Variants in EXOC6B observed in about 807,000 individuals in gnomAD.
The protein encoded by EXOC6B is exocyst complex component 6B.
In EXOC6B, 54 loss-of-function variants were observed where a neutral mutation model predicts 113.5. The ratio of observed to expected loss-of-function variants is 0.48; its 90% CI spans 0.38 to 0.60. The LOEUF (loss-of-function observed/expected upper bound fraction) is 0.60. EXOC6B is among the 20% of genes least tolerant of loss of function. The pLI is 0.00. For synonymous variants in EXOC6B, 357 were observed against 339.0 expected (o/e 1.05, Z -0.58); for missense variants, 797 against 977.5 (o/e 0.82, Z 2.46).
chr2:72,315,898 G>C (rs1687487324), intron 20 of EXOC6B, among the ~76,000 whole-genome samples: 1 of 152,112 alleles, frequency 6.6e-6, no homozygotes, highest in Admixed American at 6.5e-5. Context: ...TATATTTCTA[G>C]CATACAGAAT....
At chr2:72,349,753 G>A (rs562272076) in intron 19 of EXOC6B, among the ~76,000 whole-genome samples, 1 of 152,224 alleles carries the variant, frequency 6.6e-6, no homozygotes, top group South Asian at 2.1e-4. Flanking sequence ...TAAGTACAGA[G>A]CTTTCAGTGA....
intron 6 of EXOC6B, among the ~76,000 whole-genome samples, chr2:72,689,653 C>T (rs577404006): frequency 6.8e-4 from 103 of 152,260 alleles, no homozygotes; most frequent in African/African-American, 2.4e-3. Flanking sequence ...GACTGCTGTG[C>T]CAGGATCCTT....
intron 1 of EXOC6B, among the ~76,000 whole-genome samples, chr2:72,816,658 C>T (rs1484804063): frequency 6.6e-6 from 1 of 152,160 alleles, no homozygotes; most frequent in African/African-American, 2.4e-5. Flanking sequence ...TTCAAAATTA[C>T]AGTAGATAAG....
intron 21 of EXOC6B, chr2:72,183,038 A>G (rs1678192126): frequency 6.7e-6 from 3 of 450,582 alleles, no homozygotes; most frequent in Non-Finnish European, 1.1e-5. Flanking sequence ...ATACACCTGC[A>G]TCATGCTCTT....
At chr2:72,395,500 T>C (rs1692669854) in intron 18 of EXOC6B, among the ~76,000 whole-genome samples, 1 of 152,152 alleles carries the variant, frequency 6.6e-6, no homozygotes, top group African/African-American at 2.4e-5. Flanking sequence ...TTTCAGAATA[T>C]TTAAAACCTT....
chr2:72,239,295 T>G (rs1370176477), intron 20 of EXOC6B, among the ~76,000 whole-genome samples: 1 of 152,214 alleles, frequency 6.6e-6, no homozygotes, highest in East Asian at 1.9e-4. Flanking sequence ...AATGTTTCTT[T>G]CTCAGGATTA....
At chr2:72,362,359 G>A (rs1572970121) in intron 19 of EXOC6B, among the ~76,000 whole-genome samples, 1 of 151,834 alleles carries the variant, frequency 6.6e-6, no homozygotes, top group Admixed American at 6.6e-5. Flanking sequence ...AATAATTTAG[G>A]GAACTATGCA....
At chr2:72,660,373 G>C (rs1674920494) in intron 6 of EXOC6B, among the ~76,000 whole-genome samples, 1 of 152,084 alleles carries the variant, frequency 6.6e-6, no homozygotes, top group South Asian at 2.1e-4. Flanking sequence ...GAACAGTATA[G>C]AAATAAAACA....
intron 6 of EXOC6B, among the ~76,000 whole-genome samples, chr2:72,647,946 A>G (rs1176725805): frequency 6.6e-6 from 1 of 152,198 alleles, no homozygotes; most frequent in Non-Finnish European, 1.5e-5. Flanking sequence ...TAATTAAACT[A>G]AAGAGCTTCT....
intron 20 of EXOC6B, among the ~76,000 whole-genome samples, chr2:72,267,774 C>A (rs1684225023): frequency 6.6e-6 from 1 of 152,126 alleles, no homozygotes; most frequent in African/African-American, 2.4e-5. Context: ...GAACTTTGAA[C>A]TTGAAAGAGA....
intron 6 of EXOC6B, among the ~76,000 whole-genome samples, chr2:72,601,824 G>A (rs986595283): frequency 6.6e-6 from 1 of 152,106 alleles, no homozygotes; most frequent in Non-Finnish European, 1.5e-5. Flanking sequence ...TTCATACAAT[G>A]GAATATTATT....
intron 6 of EXOC6B, among the ~76,000 whole-genome samples, chr2:72,607,936 A>G (rs1670850451): frequency 6.6e-6 from 1 of 152,204 alleles, no homozygotes; most frequent in Non-Finnish European, 1.5e-5. Flanking sequence ...AACAAATGAC[A>G]TTAAAGAAAT....
At chr2:72,220,128 C>G (rs1680775401) in intron 20 of EXOC6B, among the ~76,000 whole-genome samples, 1 of 152,140 alleles carries the variant, frequency 6.6e-6, no homozygotes, top group Admixed American at 6.6e-5. Context: ...TTTTAATAAG[C>G]TTTTAATGTT....
At chr2:72,456,430 A>G (rs1416013569) in intron 18 of EXOC6B, among the ~76,000 whole-genome samples, 1 of 152,186 alleles carries the variant, frequency 6.6e-6, no homozygotes, top group African/African-American at 2.4e-5. Context: ...ATAAAAACTT[A>G]CTATGCACTA....
intron 6 of EXOC6B, among the ~76,000 whole-genome samples, chr2:72,643,209 T>G (rs1406473001): frequency 6.6e-6 from 1 of 152,016 alleles, no homozygotes; most frequent in Non-Finnish European, 1.5e-5. Context: ...GTGTGGTGAC[T>G]CCTCAGGGAT....
chr2:72,616,591 G>T (rs1001960867), intron 6 of EXOC6B, among the ~76,000 whole-genome samples: 1 of 152,206 alleles, frequency 6.6e-6, no homozygotes, highest in South Asian at 2.1e-4. Context: ...GAGAGAGCTT[G>T]TGCAGGGAAG....
intron 3 of EXOC6B, among the ~76,000 whole-genome samples, chr2:72,732,527 T>G (rs555306907): frequency 6.6e-6 from 1 of 152,052 alleles, no homozygotes; most frequent in Non-Finnish European, 1.5e-5. Context: ...ACTATTTAGG[T>G]AGATGGAGGG....
rs191488751 is a variant in EXOC6B at position 72,355,535 on chromosome 2, T to C, written c.2123-20515A>G. Reference sequence around the variant, plus strand: ...GGAACTTTTCTCATAAACCAAGTTATAGTCTTCATGATCTTAAGCAATAAC... The same window carrying C: ...GGAACTTTTCTCATAAACCAAGTTACAGTCTTCATGATCTTAAGCAATAAC... On this transcript the variant is annotated intron_variant, in intron 19 of 21. Transcript: ENST00000272427. 1.3e-3 allele frequency among the ~76,000 whole-genome samples: 199 copies of C among 152,338 alleles called. No individual in the cohort carries two copies. In the Middle Eastern group the frequency reaches 0.017, roughly 13 times the overall value.
At chr2:72,601,255 T>C (rs1670421783) in intron 6 of EXOC6B, among the ~76,000 whole-genome samples, 3 of 151,860 alleles carry the variant, frequency 2.0e-5, no homozygotes, top group Non-Finnish European at 2.9e-5. Flanking sequence ...TGATCTCAGC[T>C]CACTGCAAGC....
Sources: allele counts gnomAD v4.1 joint callset (sites outside exome capture counted in the v4.1 genomes callset), GRCh38; gene constraint gnomAD v4.1.1; transcripts MANE v1.5; gene names NCBI Gene and HGNC (gene_info 2026-07-23, HGNC 2026-07-21).